ATP6V0A4: variants seen among roughly 807,000 people sequenced by gnomAD.
The protein encoded by ATP6V0A4 is V-type proton ATPase 116 kDa subunit a 4.
ATP6V0A4 carries 86 observed loss-of-function variants against 107.3 expected under a neutral mutation model. The observed-to-expected ratio is 0.80, with a 90% CI of 0.67 to 0.96. ATP6V0A4 has a LOEUF of 0.96. Ranked by LOEUF, ATP6V0A4 falls within the 40% of genes least tolerant of loss-of-function variation. The probability of loss-of-function intolerance (pLI) is 0.00; values close to 1 mark genes in which losing one functional copy is unlikely to be tolerated. For synonymous variants in ATP6V0A4, 353 were observed against 381.4 expected, an observed-to-expected ratio of 0.93 and a Z score of 0.87; for missense variants, 908 against 1,045.6, an observed-to-expected ratio of 0.87 and a Z score of 1.81.
chr7:138,770,457 A>G lies in ATP6V0A4; in HGVS notation c.117+674T>C, dbSNP rs145647798. Among the ~76,000 whole-genome samples, 202 of 152,346 alleles carry G rather than the reference A, an allele frequency of 1.3e-3. 3 individuals are homozygous for G. The highest frequency in any genetic ancestry group is 9.6e-4 in the African/African-American group (40 of 41,592). On this transcript the variant is annotated intron_variant, in intron 3 of 21. Transcript: ENST00000310018. ...AAACTTCAACTCTCAGCTCAGCTCA[A>G]TAAACGTTATTGAGGACCTGCCTCA...
At position 138,755,609 on chromosome 7, in the gene ATP6V0A4, G is replaced by C. The variant is rs566823555; in HGVS notation, c.816+80C>G. The C allele has an allele frequency of 1.2e-4, 188 of 1,584,106 alleles. 4 individuals are homozygous for C. The highest frequency in any genetic ancestry group is 7.7e-4 in the South Asian group (69 of 89,228). On this transcript the variant is annotated intron_variant, in intron 10 of 21. Transcript: ENST00000310018. ...GCCAGCCTCCCAGCAAGGGCCCTGG[G>C]GGGCAGGGCTTGTATGAAAACAGCA...
intron 16 of ATP6V0A4, 40 bp from the exon 17 acceptor site, chr7:138,733,133 C>A: frequency 1.2e-6 from 2 of 1,612,312 alleles, no homozygotes; most frequent in Non-Finnish European, 1.7e-6. Flanking sequence ...GATAGAACAT[C>A]AAGGGAACGT....
At chr7:138,797,642 G>A (rs1808746659) in intron 1 of ATP6V0A4, among the ~76,000 whole-genome samples, 1 of 152,040 alleles carries the variant, frequency 6.6e-6, no homozygotes, top group Non-Finnish European at 1.5e-5. Flanking sequence ...ATGCGTGTTT[G>A]TAATTAACGC....
intron 10 of ATP6V0A4, 154 bp from the exon 11 acceptor site, chr7:138,752,991 C>G (rs1806312072): frequency 2.3e-6 from 2 of 857,486 alleles, no homozygotes; most frequent in South Asian, 5.3e-5. Context: ...CTCTCCTGAG[C>G]AGTTTATCTC....
intron 20 of ATP6V0A4, among the ~76,000 whole-genome samples, 170 bp downstream of exon 20, chr7:138,715,594 G>A (rs534017249): frequency 3.3e-5 from 5 of 152,212 alleles, no homozygotes; most frequent in East Asian, 1.9e-4. Context: ...CCCCAGCAAC[G>A]TGCAGCCAGA....
chr7:138,728,195 G>A (rs1804814518), intron 18 of ATP6V0A4, among the ~76,000 whole-genome samples: 2 of 152,052 alleles, frequency 1.3e-5, no homozygotes, highest in South Asian at 4.2e-4. Context: ...CATACACCCT[G>A]AACAAAGTCT....
intron 17 of ATP6V0A4, among the ~76,000 whole-genome samples, chr7:138,730,931 C>CTTCTTT (rs1554392929): frequency 0.018 from 2,172 of 123,658 alleles, 101 homozygotes; most frequent in African/African-American, 0.055. Flanking sequence ...TCTTCTTCTT[C>CTTCTTT]TTTTTTTATT....
chr7:138,721,667 G>T (rs1378350053), intron 19 of ATP6V0A4, among the ~76,000 whole-genome samples: 7 of 152,134 alleles, frequency 4.6e-5, no homozygotes, highest in African/African-American at 1.7e-4. Context: ...GCGGTACTTG[G>T]ACTAGAAATA....
intron 8 of ATP6V0A4, among the ~76,000 whole-genome samples, chr7:138,759,411 A>C (rs1481696612): frequency 6.6e-6 from 1 of 151,948 alleles, no homozygotes; most frequent in Non-Finnish European, 1.5e-5. Flanking sequence ...GTGCACATTG[A>C]AGCTTGAGAA....
At chr7:138,781,843 C>CTTT (rs200102016) in intron 2 of ATP6V0A4, among the ~76,000 whole-genome samples, 1 of 72,800 alleles carries the variant, frequency 1.4e-5, no homozygotes, top group African/African-American at 5.8e-5. Context: ...CTCTCTCTCT[C>CTTT]TTTTTTTTTT....
chr7:138,790,222 T>G (rs1808346674), intron 1 of ATP6V0A4, among the ~76,000 whole-genome samples: 1 of 152,188 alleles, frequency 6.6e-6, no homozygotes, highest in Non-Finnish European at 1.5e-5. Flanking sequence ...ATCCTGCTTT[T>G]CTGTTTTGTA....
chr7:138,762,961 T>C lies in ATP6V0A4; in HGVS notation c.356A>G (p.Gln119Arg), dbSNP rs1563008576. The C allele has an allele frequency of 1.9e-6, 3 of 1,614,086 alleles. No homozygotes were observed. Among genetic ancestry groups the C allele is most frequent in the Non-Finnish European group, 2.5e-6 (3 of 1,180,050 alleles). Residue 119 changes from glutamine (Q) to arginine (R), a missense_variant, in exon 6 of 22, where the codon CAA becomes CGA. By Grantham distance (43) the Gln-to-Arg change is conservative. Coordinates refer to ENST00000310018, the MANE Select transcript of ATP6V0A4 (RefSeq NM_020632.3). ...EANQNQQALK[Q>R]SFLELTELKY... is the part of the protein sequence containing the mutation. ...CAGTTCTGTCAGTTCTAGGAAGCTT[T>C]GTTTCAAGGCCTGCTGGTTCTGGTT...
At chr7:138,756,081 T>C (rs1383342932) in intron 9 of ATP6V0A4, 1 of 527,718 alleles carries the variant, frequency 1.9e-6, no homozygotes, top group Non-Finnish European at 3.4e-6. Flanking sequence ...TAAGAATCTA[T>C]TAATGTATTA....
At chr7:138,710,886 C>T (rs997671062) in intron 20 of ATP6V0A4, among the ~76,000 whole-genome samples, 25 of 152,164 alleles carry the variant, frequency 1.6e-4, no homozygotes, top group African/African-American at 5.8e-4. Flanking sequence ...AGTTCAGCCA[C>T]AGACTCCAAA....
intron 7 of ATP6V0A4, among the ~76,000 whole-genome samples, chr7:138,760,545 A>G (rs1260146157): frequency 6.6e-6 from 1 of 152,052 alleles, no homozygotes; most frequent in Non-Finnish European, 1.5e-5. Flanking sequence ...TTTTCCAAAA[A>G]TATTTTAATA....
At chr7:138,709,577 C>T in intron 21 of ATP6V0A4, 47 bp downstream of exon 21, 1 of 1,591,758 alleles carries the variant, frequency 6.3e-7, no homozygotes, top group South Asian at 1.1e-5. Flanking sequence ...ACAGCCCACT[C>T]CCTTTCCCAA....
At chr7:138,718,043 AG>A (rs1297975446) in intron 19 of ATP6V0A4, among the ~76,000 whole-genome samples, 4 of 84,318 alleles carry the variant, frequency 4.7e-5, no homozygotes, top group African/African-American at 8.6e-5. Flanking sequence ...TCCAGGAAGG[AG>A]TGGGGGGGTA....
At chr7:138,722,687 G>C (rs1410928666) in intron 18 of ATP6V0A4, among the ~76,000 whole-genome samples, 1 of 142,280 alleles carries the variant, frequency 7.0e-6, no homozygotes, top group Non-Finnish European at 1.5e-5. Context: ...GGAGGCTGCG[G>C]TGAGCCAAGA....
rs186717040 is a variant in ATP6V0A4 at position 138,769,254 on chromosome 7, A to T, written c.118-3T>A. ...AAGCTGTTCACATTCATATTTAACTATGGGGGCGAAAATCACAAGATACAT... is the reference window on the plus strand; with the variant it reads ...AAGCTGTTCACATTCATATTTAACTTTGGGGGCGAAAATCACAAGATACAT... On this transcript the variant is annotated splice_region_variant and splice_polypyrimidine_tract_variant and intron_variant, in intron 3 of 21. Transcript: ENST00000310018. The T allele has an allele frequency of 8.6e-5, 138 of 1,609,916 alleles. 1 individual carries two copies. The African/African-American group carries it at 1.4e-3, about 17-fold the overall frequency.
Sources: gnomAD v4.1 joint callset for allele counts (sites outside exome capture counted in the v4.1 genomes callset) on GRCh38, gnomAD v4.1.1 for gene constraint, MANE v1.5 for transcripts, NCBI Gene and HGNC (gene_info 2026-07-23, HGNC 2026-07-21) for gene names.